The following POPDC3 variants were observed in gnomAD, a reference collection of about 807,000 sequenced individuals.
POPDC3 encodes popeye domain cAMP effector 3, also known as popeye domain-containing protein 3.
Under a neutral mutation model 28.2 loss-of-function variants are expected in POPDC3, and 20 were observed. The observed-to-expected ratio is 0.71, with a 90% CI of 0.50 to 1.03. The LOEUF is 1.03. POPDC3 is among the 50% of genes least tolerant of loss of function. The pLI is 0.00. For synonymous variants in POPDC3, 118 were observed against 124.1 expected (o/e 0.95, Z 0.33); for missense variants, 316 against 345.9 (o/e 0.91, Z 0.69).
chr6:105,173,875 A>G (rs1209360151), intron 1 of POPDC3, among the ~76,000 whole-genome samples: 1 of 151,964 alleles, frequency 6.6e-6, no homozygotes, highest in Non-Finnish European at 1.5e-5. Context: ...AAACCCTGAA[A>G]TTAAGAACAA....
At chr6:105,165,785 T>C (rs1774443201) in intron 1 of POPDC3, among the ~76,000 whole-genome samples, 1 of 152,170 alleles carries the variant, frequency 6.6e-6, no homozygotes, top group African/African-American at 2.4e-5. Context: ...TGAGTTTTGG[T>C]TGCTAAGCAA....
intron 1 of POPDC3, chr6:105,169,344 T>A (rs968374124): frequency 4.6e-5 from 7 of 152,176 alleles, no homozygotes; most frequent in African/African-American, 1.7e-4. Flanking sequence ...TACATTAAAT[T>A]CACTGTGGTT....
intron 1 of POPDC3, among the ~76,000 whole-genome samples, chr6:105,177,263 A>C (rs898041123): frequency 2.0e-5 from 3 of 152,212 alleles, no homozygotes; most frequent in African/African-American, 7.2e-5. Context: ...CTAATTAAAA[A>C]ATACAATGTA....
At position 105,159,751 on chromosome 6, in the gene POPDC3, T is replaced by A. The variant is rs548714022; in HGVS notation, c.554A>T (p.Glu185Val). The A allele has an allele frequency of 6.2e-7, 1 of 1,613,698 alleles. No homozygotes were observed. Among genetic ancestry groups the A allele is most frequent in the South Asian group, 1.1e-5 (1 of 91,060 alleles). The change falls in exon 3 of 4, where the codon GAG (glutamate) becomes GTG (valine). Residue 185 changes from glutamate (E) to valine (V), a missense_variant. Physicochemically the swap from Glu to Val is moderately radical, Grantham distance 121. Transcript: ENST00000254765. ...CTCTGTGGGTCTCAGTGAATCCCAC[T>A]CAGGAGAATCCAGGAACTGAAGGGG... ...IFPLQFLDSP[E>V]WDSLRPTEEG...
At chr6:105,179,265 C>T (rs1184368553) in intron 1 of POPDC3, 1 of 985,246 alleles carries the variant, frequency 1.0e-6, no homozygotes, top group African/African-American at 1.7e-5. Flanking sequence ...GATGAGGCAG[C>T]TTTTTTGTAC....
intron 1 of POPDC3, among the ~76,000 whole-genome samples, chr6:105,175,868 T>C (rs1207006859): frequency 6.6e-6 from 1 of 151,180 alleles, no homozygotes; most frequent in African/African-American, 2.5e-5. Flanking sequence ...AAAGAAAGAA[T>C]AAAAACTGGG....
intron 1 of POPDC3, among the ~76,000 whole-genome samples, chr6:105,163,515 G>A (rs1346012058): frequency 6.6e-6 from 1 of 152,168 alleles, no homozygotes; most frequent in Non-Finnish European, 1.5e-5. Context: ...GAACTTGTGT[G>A]CTATATTTAG....
intron 3 of POPDC3, 68 bp downstream of exon 3, chr6:105,159,643 T>A (rs1279592046): frequency 4.6e-6 from 4 of 867,542 alleles, no homozygotes; most frequent in Non-Finnish European, 7.6e-6. Context: ...GTTTATTTGT[T>A]TACTTATTTT....
intron 1 of POPDC3, among the ~76,000 whole-genome samples, chr6:105,163,487 G>C (rs1355043619): frequency 6.6e-6 from 1 of 152,092 alleles, no homozygotes. Context: ...TAAAACCATG[G>C]TAACATTCAA....
chr6:105,159,147 C>A, intron 3 of POPDC3: 1 of 164,232 alleles, frequency 6.1e-6, no homozygotes, highest in Non-Finnish European at 1.3e-5. Context: ...ATTTATATAC[C>A]TAATTTGCAT....
rs1201815149 is a variant in POPDC3 at position 105,161,627 on chromosome 6, T to C, written c.283A>G (p.Ile95Val). 6.2e-7 allele frequency: 1 copy of C among 1,614,142 alleles called. No individual in the cohort carries two copies. Among genetic ancestry groups the C allele is most frequent in the East Asian group, 2.2e-5 (1 of 44,880 alleles). The change falls in exon 2 of 4, where the codon ATT becomes GTT. Residue 95 changes from isoleucine to valine, a missense_variant. By Grantham distance (29) the Ile-to-Val change is conservative. Transcript: ENST00000254765. ...GTTATGCTGCGAACTTGATATGCAA[T>C]ATGAACAAATTGCATGAAGCAGATG... ...FVICFMQFVH[I>V]AYQVRSITFA...
chr6:105,160,095 T>C (rs1012559185), intron 2 of POPDC3: 1 of 248,696 alleles, frequency 4.0e-6, no homozygotes, highest in Non-Finnish European at 7.8e-6. Flanking sequence ...TGTCCATTTA[T>C]GTGTGCATAT....
At chr6:105,178,563 GACACACACACACACACACACACAC>G (rs56060844) in intron 1 of POPDC3, 9,933 of 153,050 alleles carry the variant, frequency 0.065, 497 homozygotes, top group Non-Finnish European at 0.096. Flanking sequence ...AACTCCTGAA[GACACACACACACACACACACACAC>G]ACACACACAC....
At chr6:105,168,400 C>T (rs1357717712) in intron 1 of POPDC3, among the ~76,000 whole-genome samples, 1 of 152,210 alleles carries the variant, frequency 6.6e-6, no homozygotes, top group Non-Finnish European at 1.5e-5. Flanking sequence ...TTTGATCCCC[C>T]TTATCAATGA....
rs1365044018 is a variant in POPDC3 at position 105,179,996 on chromosome 6, T to G, written c.-415A>C. 1.4e-5 allele frequency: 2 copies of G among 145,224 alleles called. No individual in the cohort carries two copies. The highest frequency in any genetic ancestry group is 3.0e-5 in the Non-Finnish European group (2 of 65,716). The allele number at this position is 145,224 out of a possible 1,614,324, so 9.0% of individuals were successfully genotyped here. A position where few individuals can be genotyped will look rare whatever the true frequency, so the allele number is the denominator to read the frequency against. ...CGGGCGCAGCGTGACCGCAGCGGGC[T>G]CCGGAGCGGCGCGGCGGCGCGGGCG... On this transcript the variant is annotated 5_prime_UTR_variant, in exon 1 of 4. Transcript: ENST00000254765.
At chr6:105,166,162 T>G in intron 1 of POPDC3, among the ~76,000 whole-genome samples, 1 of 152,136 alleles carries the variant, frequency 6.6e-6, no homozygotes, top group Non-Finnish European at 1.5e-5. Context: ...GTTTCCTCAT[T>G]GGTAAAATGA....
chr6:105,169,348 T>C (rs1029675880), intron 1 of POPDC3: 4 of 152,192 alleles, frequency 2.6e-5, no homozygotes, highest in African/African-American at 4.8e-5. Context: ...TTAAATTCAC[T>C]GTGGTTCCCA....
chr6:105,167,950 CAG>C (rs1406728783), intron 1 of POPDC3, among the ~76,000 whole-genome samples: 3 of 151,972 alleles, frequency 2.0e-5, no homozygotes, highest in African/African-American at 7.3e-5. Context: ...TCTCAAGTAA[CAG>C]AGAGAAGAAA....
intron 1 of POPDC3, among the ~76,000 whole-genome samples, chr6:105,177,704 G>A (rs9486049): frequency 0.11 from 17,322 of 152,186 alleles, 2,336 homozygotes; most frequent in African/African-American, 0.33. Context: ...AGATTCTTCT[G>A]TAAGCTTAGC....
Sources: gnomAD v4.1 joint callset for allele counts (sites outside exome capture counted in the v4.1 genomes callset) on GRCh38, gnomAD v4.1.1 for gene constraint, MANE v1.5 for transcripts, NCBI Gene and HGNC (gene_info 2026-07-23, HGNC 2026-07-21) for gene names.